Variants in MSMB observed in about 807,000 individuals in gnomAD.
MSMB encodes the protein beta-microseminoprotein.
In MSMB, 10 loss-of-function variants were observed where a neutral mutation model predicts 10.5. That is an observed-to-expected ratio of 0.95 (90% confidence interval 0.59 to 1.62). MSMB has a LOEUF of 1.62. Ranked by LOEUF, MSMB falls within the 40% of genes most tolerant of loss-of-function variation. The probability of loss-of-function intolerance (pLI) is 0.00; values close to 1 mark genes in which losing one functional copy is unlikely to be tolerated. For missense variants in MSMB, 126 were observed against 137.4 expected (o/e 0.92, Z 0.42); for synonymous variants, 43 against 46.5 (o/e 0.93, Z 0.30).
In MSMB at chr10:46,043,048, A is replaced by T. The variant is rs914469388; in HGVS notation, c.4-2957T>A. On this transcript the variant is annotated intron_variant, in intron 1 of 3. Transcript: ENST00000582163. ...TGTTTCATTCTTCTGAGTAGCCTTC[A>T]GCTCGAAATCATTGTGGAAACCTAA... is the stretch of plus-strand genomic sequence containing the variant. Among the ~76,000 whole-genome samples, 3 of 152,174 alleles carry T rather than the reference A, an allele frequency of 2.0e-5. No homozygotes were observed. In the East Asian group the frequency reaches 5.8e-4, roughly 29 times the overall value.
At chr10:46,039,930 C>T (rs936462519) in intron 2 of MSMB, 56 bp downstream of exon 2, 54 of 1,280,100 alleles carry the variant, frequency 4.2e-5, no homozygotes, top group Non-Finnish European at 5.2e-5. Context: ...CATCTGCAGA[C>T]AGGTCCATCT....
At chr10:46,039,936 C>T (rs1311882711) in intron 2 of MSMB, 50 bp downstream of exon 2, 6 of 1,335,014 alleles carry the variant, frequency 4.5e-6, no homozygotes, top group Non-Finnish European at 6.4e-6. Context: ...CAGACAGGTC[C>T]ATCTACCAGG....
chr10:46,038,563 C>T (rs1840668613), intron 3 of MSMB, among the ~76,000 whole-genome samples: 1 of 152,132 alleles, frequency 6.6e-6, no homozygotes, highest in Non-Finnish European at 1.5e-5. Context: ...GCTGGGATTA[C>T]AGGCGTGAGC....
chr10:46,044,575 GA>G (rs56061175), intron 1 of MSMB, among the ~76,000 whole-genome samples: 2,017 of 38,192 alleles, frequency 0.053, 16 homozygotes, highest in African/African-American at 0.077. Flanking sequence ...CTCCGTCTCA[GA>G]AAAAAAAAAA....
chr10:46,045,885 C>T (rs1452665453), intron 1 of MSMB, among the ~76,000 whole-genome samples: 1 of 152,160 alleles, frequency 6.6e-6, no homozygotes, highest in Non-Finnish European at 1.5e-5. Flanking sequence ...TCAGTTCCCT[C>T]ATCTCAAAAA....
chr10:46,034,311 G>GC (rs1231526921), intron 3 of MSMB, among the ~76,000 whole-genome samples: 113 of 151,414 alleles, frequency 7.5e-4, no homozygotes, highest in African/African-American at 2.6e-3. Context: ...TGGCGGGTCG[G>GC]CGCGGGGGAG....
intron 3 of MSMB, among the ~76,000 whole-genome samples, chr10:46,037,756 T>C (rs1840642747): frequency 6.6e-6 from 1 of 152,184 alleles, no homozygotes. Flanking sequence ...TCTGGAATAG[T>C]GTCAGACAAT....
In MSMB at chr10:46,033,595, C is replaced by A. The variant is rs1554927137; in HGVS notation, c.216-44G>T. ...TGGGGCCTGTTAGAAGAGAAAGGAC[C>A]CCGAGCACCCCCTCCCCAGTGCCAG... On this transcript the variant is annotated intron_variant, in intron 3 of 3. Coordinates refer to ENST00000582163, the MANE Select transcript of MSMB (RefSeq NM_002443.4). The A allele has an allele frequency of 1.9e-6, 3 of 1,605,962 alleles. No individual in the cohort carries two copies. The South Asian group carries it at 3.3e-5, about 18-fold the overall frequency.
At chr10:46,036,444 T>C (rs1217259440) in intron 3 of MSMB, among the ~76,000 whole-genome samples, 7 of 152,182 alleles carry the variant, frequency 4.6e-5, no homozygotes, top group African/African-American at 1.7e-4. Flanking sequence ...AGTAGAAACC[T>C]TGAAACCTTG....
rs535593966 is a variant in MSMB, at chr10:46,041,288, T to C, written c.4-1197A>G. 2.8e-5 allele frequency among the ~76,000 whole-genome samples: 4 copies of C among 142,688 alleles called. No homozygotes were observed. The East Asian group carries it at 6.2e-4, about 22-fold the overall frequency. The allele number at this position is 142,688 out of a possible 152,430, so 93.6% of individuals were successfully genotyped here. A position where few individuals can be genotyped will look rare whatever the true frequency, so the allele number is the denominator to read the frequency against. On this transcript the variant is annotated intron_variant, in intron 1 of 3. Transcript: ENST00000582163. ...TGAGCCTGGGAGGCGGAGGTTGCAG[T>C]GAGCCAAGATTGTGCCACCGCACTC... is the stretch of plus-strand genomic sequence containing the variant.
Position 46,033,333 on chromosome 10 carries a change from C to T in MSMB, c.*89G>A, listed in dbSNP as rs1311480284. Reference sequence around the variant, plus strand: ...AAGTGTTTGCTCAAAAATCTTTTTACTGATAGGCATGGCTACACAATCATT... The same window carrying T: ...AAGTGTTTGCTCAAAAATCTTTTTATTGATAGGCATGGCTACACAATCATT... On this transcript the variant is annotated 3_prime_UTR_variant, in exon 4 of 4. Coordinates refer to ENST00000582163, the MANE Select transcript of MSMB (RefSeq NM_002443.4). The T allele has an allele frequency of 6.6e-6, 10 of 1,509,096 alleles. No homozygotes were observed. The highest frequency in any genetic ancestry group is 8.0e-6 in the Non-Finnish European group (9 of 1,122,786). 93.5% of individuals were successfully genotyped at this position (1,509,096 alleles called of 1,614,324 possible).
chr10:46,045,873 G>C (rs776345502), intron 1 of MSMB, among the ~76,000 whole-genome samples: 2 of 152,036 alleles, frequency 1.3e-5, no homozygotes, highest in Non-Finnish European at 2.9e-5. Flanking sequence ...CCCTCCCCAG[G>C]CTCAGTTCCC....
chr10:46,034,435 C>T (rs1185660964), intron 3 of MSMB, among the ~76,000 whole-genome samples: 7 of 150,810 alleles, frequency 4.6e-5, no homozygotes, highest in African/African-American at 1.7e-4. Flanking sequence ...CAGCCCAGTG[C>T]TAGAATATTA....
chr10:46,034,578 C>T (rs1840553248), intron 3 of MSMB, among the ~76,000 whole-genome samples: 1 of 151,906 alleles, frequency 6.6e-6, no homozygotes, highest in Non-Finnish European at 1.5e-5. Context: ...GTAATCCCAG[C>T]ACCTTGGGAG....
At chr10:46,034,019 C>G (rs1840532570) in intron 3 of MSMB, among the ~76,000 whole-genome samples, 1 of 152,172 alleles carries the variant, frequency 6.6e-6, no homozygotes, top group Non-Finnish European at 1.5e-5. Flanking sequence ...AAGTCAGAGA[C>G]CACCTCTAAT....
intron 1 of MSMB, among the ~76,000 whole-genome samples, chr10:46,044,131 C>T (rs1487481137): frequency 2.6e-5 from 4 of 152,164 alleles, no homozygotes; most frequent in Non-Finnish European, 5.9e-5. Context: ...CTGCCACCAG[C>T]CTTCCTTCCC....
At chr10:46,039,127 A>G (rs931338696) in intron 2 of MSMB, 56 bp from the exon 3 acceptor site, 10 of 1,484,062 alleles carry the variant, frequency 6.7e-6, no homozygotes, top group Non-Finnish European at 9.4e-6. Context: ...AACAAGGCCT[A>G]TCAGGACATT....
In MSMB at chr10:46,033,496, CCTT is replaced by C. The variant is rs1473484434; in HGVS notation, c.268_270del (p.Lys90del). On this transcript the variant is annotated inframe_deletion, in exon 4 of 4. Transcript: ENST00000582163. ...TCCACCACGATATACTTGCAGTCCTCCTTCTTGAAGATTCTTTGGCAGTTGTCT... is the reference window on the plus strand; with the variant it reads ...TCCACCACGATATACTTGCAGTCCTCCTTGAAGATTCTTTGGCAGTTGTCT... 3.7e-6 allele frequency: 6 copies of C among 1,613,804 alleles called. No homozygotes were observed. The highest frequency in any genetic ancestry group is 5.1e-6 in the Non-Finnish European group (6 of 1,179,840).
intron 1 of MSMB, among the ~76,000 whole-genome samples, chr10:46,043,294 T>C (rs1554928878): frequency 1.3e-5 from 2 of 152,100 alleles, no homozygotes; most frequent in African/African-American, 4.8e-5. Context: ...AGGCAGGAGA[T>C]TGAACCACTG....
Sources: gnomAD v4.1 joint callset for allele counts (sites outside exome capture counted in the v4.1 genomes callset) on GRCh38, gnomAD v4.1.1 for gene constraint, MANE v1.5 for transcripts, NCBI Gene and HGNC (gene_info 2026-07-23, HGNC 2026-07-21) for gene names.